ROBO1: variants seen among roughly 807,000 people sequenced by gnomAD.
The protein encoded by ROBO1 is roundabout guidance receptor 1.
Under a neutral mutation model 195.9 loss-of-function variants are expected in ROBO1, and 149 were observed. That is an observed-to-expected ratio of 0.76 (90% CI 0.67 to 0.87). ROBO1 has a LOEUF of 0.87. Among genes scored for constraint, ROBO1 ranks in the 40% least tolerant of loss-of-function variants. The pLI, the probability that ROBO1 is intolerant of heterozygous loss-of-function variation, is 0.00. For missense variants in ROBO1, 1,933 were observed against 2,068.3 expected (o/e 0.93, Z 1.27); for synonymous variants, 816 against 733.2 (o/e 1.11, Z -1.82).
intron 2 of ROBO1, among the ~76,000 whole-genome samples, chr3:79,502,488 T>TC (rs144277195): frequency 2.0e-5 from 3 of 151,762 alleles, no homozygotes; most frequent in African/African-American, 7.2e-5. Flanking sequence ...TGCCTGAGTC[T>TC]CCCCCCGCCC....
intron 1 of ROBO1, among the ~76,000 whole-genome samples, chr3:79,689,875 T>A (rs1002136637): frequency 6.6e-6 from 1 of 151,950 alleles, no homozygotes; most frequent in African/African-American, 2.4e-5. Context: ...AAATAAAATT[T>A]CAAACCTAAA....
At chr3:79,440,092 A>T (rs1259407522) in intron 2 of ROBO1, among the ~76,000 whole-genome samples, 2 of 152,204 alleles carry the variant, frequency 1.3e-5, no homozygotes. Context: ...CGTTATCTAC[A>T]CATCTAGAGT....
intron 3 of ROBO1, among the ~76,000 whole-genome samples, chr3:79,034,445 C>T (rs2078348473): frequency 6.6e-6 from 1 of 151,856 alleles, no homozygotes; most frequent in Non-Finnish European, 1.5e-5. Context: ...GAGTGAAGAA[C>T]GAAGGAGGGA....
Position 79,458,125 on chromosome 3 carries a change from GA to G in ROBO1, c.88+131698del, listed in dbSNP as rs372686283. ...GATTATTTCTCATTTTAAATAGCAA[GA>G]AAAAAAAATGTTGATTATGCCTAGA... On this transcript the variant is annotated intron_variant, in intron 2 of 30. Coordinates refer to ENST00000464233, the MANE Select transcript of ROBO1 (RefSeq NM_002941.4). Among the ~76,000 whole-genome samples, 432 of 151,028 alleles carry G rather than the reference GA, an allele frequency of 2.9e-3. 1 individual carries two copies. Among genetic ancestry groups the G allele is most frequent in the African/African-American group, 7.9e-3 (326 of 41,204 alleles).
Position 79,456,974 on chromosome 3 carries a change from T to C in ROBO1, c.88+132850A>G, listed in dbSNP as rs1404569398. On this transcript the variant is annotated intron_variant, in intron 2 of 30. Coordinates refer to ENST00000464233, the MANE Select transcript of ROBO1 (RefSeq NM_002941.4). ...ATCCCTACACTCCAGAGTTAATTTT[T>C]TCTTCTCAAGACCTACAAATAACAG... Among the ~76,000 whole-genome samples the C allele has an allele frequency of 1.6e-4, 24 of 152,156 alleles. 1 individual carries two copies. The highest frequency in any genetic ancestry group is 7.3e-5 in the Non-Finnish European group (5 of 68,028).
intron 4 of ROBO1, among the ~76,000 whole-genome samples, chr3:78,759,542 G>C (rs1005084650): frequency 1.3e-5 from 2 of 152,042 alleles, no homozygotes; most frequent in Non-Finnish European, 2.9e-5. Context: ...CATGATTTGA[G>C]GCCCCCTCTT....
At chr3:78,661,347 CA>C in intron 15 of ROBO1, 86 bp from the exon 16 acceptor site, 1 of 817,940 alleles carries the variant, frequency 1.2e-6, no homozygotes, top group Non-Finnish European at 1.8e-6. Context: ...TTATAAAATG[CA>C]CAAAATTCTG....
At chr3:79,335,648 C>T (rs1343611368) in intron 2 of ROBO1, among the ~76,000 whole-genome samples, 1 of 152,126 alleles carries the variant, frequency 6.6e-6, no homozygotes, top group East Asian at 1.9e-4. Context: ...TTATAAATTA[C>T]CCAGTCTCCA....
At chr3:79,114,247 A>T (rs550005937) in intron 3 of ROBO1, among the ~76,000 whole-genome samples, 7 of 152,294 alleles carry the variant, frequency 4.6e-5, no homozygotes, top group African/African-American at 1.7e-4. Flanking sequence ...CTATTACAAT[A>T]ACCCAGTGGA....
intron 4 of ROBO1, among the ~76,000 whole-genome samples, chr3:78,815,932 AC>A (rs2108650114): frequency 6.6e-6 from 1 of 152,316 alleles, no homozygotes; most frequent in African/African-American, 2.4e-5. Flanking sequence ...ATACACAGTT[AC>A]TATATATGTT....
chr3:78,975,517 C>T (rs146449828), intron 3 of ROBO1, among the ~76,000 whole-genome samples: 15 of 151,940 alleles, frequency 9.9e-5, no homozygotes, highest in African/African-American at 3.6e-4. Flanking sequence ...GTTGTGTAAA[C>T]CTGGGTGACC....
intron 2 of ROBO1, among the ~76,000 whole-genome samples, chr3:79,411,089 A>T (rs1273397864): frequency 6.6e-6 from 1 of 152,136 alleles, no homozygotes; most frequent in Non-Finnish European, 1.5e-5. Context: ...TCTCTTTTTG[A>T]AGATAAATAT....
At chr3:78,893,726 G>T (rs960301543) in intron 4 of ROBO1, among the ~76,000 whole-genome samples, 3 of 151,994 alleles carry the variant, frequency 2.0e-5, no homozygotes, top group African/African-American at 7.2e-5. Flanking sequence ...AATAAAAAAT[G>T]ATGGCTTTTT....
At position 78,663,822 on chromosome 3, in the gene ROBO1, G is replaced by A. The variant is rs114709367; in HGVS notation, c.1967-1708C>T. ...AGGTTCAATTAAAATGTATTCATGTGTGGAAAACACACATATGATGTCAGT... is the reference window on the plus strand; with the variant it reads ...AGGTTCAATTAAAATGTATTCATGTATGGAAAACACACATATGATGTCAGT... On this transcript the variant is annotated intron_variant, in intron 14 of 30. Transcript: ENST00000464233. Among the ~76,000 whole-genome samples, 683 of 152,304 alleles carry A rather than the reference G, an allele frequency of 4.5e-3. 5 individuals are homozygous for A. The highest frequency in any genetic ancestry group is 8.0e-3 in the Non-Finnish European group (546 of 68,036).
At chr3:78,634,272 A>G (rs2107523647) in intron 23 of ROBO1, among the ~76,000 whole-genome samples, 1 of 151,980 alleles carries the variant, frequency 6.6e-6, no homozygotes, top group Middle Eastern at 3.4e-3. Flanking sequence ...TATGATTTTA[A>G]TAAGAATCAC....
intron 2 of ROBO1, among the ~76,000 whole-genome samples, chr3:79,224,956 G>T (rs749233853): frequency 3.9e-5 from 6 of 152,108 alleles, no homozygotes; most frequent in African/African-American, 1.4e-4. Context: ...TGAGGAGGAG[G>T]ACGGCAAGGG....
At chr3:79,607,198 G>T (rs965523729) in intron 1 of ROBO1, among the ~76,000 whole-genome samples, 2 of 147,354 alleles carry the variant, frequency 1.4e-5, no homozygotes, top group Admixed American at 1.4e-4. Context: ...TTTACTATAT[G>T]GAAAAAAAGA....
chr3:79,709,306 CT>C (rs1378092591), intron 1 of ROBO1, among the ~76,000 whole-genome samples: 202 of 152,040 alleles, frequency 1.3e-3, no homozygotes, highest in African/African-American at 4.5e-3. Flanking sequence ...CTTGTCAAAT[CT>C]TTTTTAATAG....
At chr3:78,664,632 A>G (rs1003967022) in intron 14 of ROBO1, among the ~76,000 whole-genome samples, 2 of 152,230 alleles carry the variant, frequency 1.3e-5, no homozygotes, top group Non-Finnish European at 2.9e-5. Flanking sequence ...CCTGTGCCCT[A>G]TATCTGTGCA....
Sources: allele counts gnomAD v4.1 joint callset (sites outside exome capture counted in the v4.1 genomes callset), GRCh38; gene constraint gnomAD v4.1.1; transcripts MANE v1.5; gene names NCBI Gene and HGNC (gene_info 2026-07-23, HGNC 2026-07-21).